The following ZC3H12D variants were observed in gnomAD, a reference collection of about 807,000 sequenced individuals.
ZC3H12D encodes probable ribonuclease ZC3H12D.
In ZC3H12D, 11 loss-of-function variants were observed where a neutral mutation model predicts 24.2. That is an observed-to-expected ratio of 0.46 (90% CI 0.29 to 0.75). ZC3H12D has a LOEUF of 0.75. ZC3H12D is among the 30% of genes least tolerant of loss of function. ZC3H12D has a pLI of 0.11. For missense variants in ZC3H12D, 740 were observed against 767.7 expected (o/e 0.96, Z 0.43); for synonymous variants, 333 against 341.8 (o/e 0.97, Z 0.28).
chr6:149,483,462 A>G (rs1365926682), intron 1 of ZC3H12D, among the ~76,000 whole-genome samples: 1 of 152,172 alleles, frequency 6.6e-6, no homozygotes, highest in East Asian at 1.9e-4. Context: ...TGCAAAACTG[A>G]AACTCTCAGC....
Position 149,447,756 on chromosome 6 carries a change from G to T in ZC3H12D, c.*2927C>A, listed in dbSNP as rs1485410280. On this transcript the variant is annotated 3_prime_UTR_variant, in exon 6 of 6. Transcript: ENST00000409806. ...ACTAAGACTTTGGAAAAATTCCAAA[G>T]GGGATTACACTTGAAATGTGCTGTG... 1.3e-5 allele frequency: 2 copies of T among 152,054 alleles called. No individual in the cohort carries two copies. The highest frequency in any genetic ancestry group is 4.1e-4 in the South Asian group (2 of 4,830). The allele number at this position is 152,054 out of a possible 1,614,324, so 9.4% of individuals were successfully genotyped here.
Position 149,450,869 on chromosome 6 carries a change from T to C in ZC3H12D, c.1398A>G (p.Ser466=), listed in dbSNP as rs778052620. Residue 466 remains serine (S), a synonymous_variant, in exon 6 of 6, where the codon TCA becomes TCG. Coordinates refer to ENST00000409806, the MANE Select transcript of ZC3H12D (RefSeq NM_207360.3). Reference sequence around the variant, plus strand: ...CCTCGTCGTCCTCGGTCGCGTACACTGAAAGTCCCCCAGTGGCGCCGTCGC... The same window carrying C: ...CCTCGTCGTCCTCGGTCGCGTACACCGAAAGTCCCCCAGTGGCGCCGTCGC... The part of the protein sequence containing the change: ...AWGDGATGGL[S]VYATEDDEGD... 2.0e-4 allele frequency: 310 copies of C among 1,542,646 alleles called. No homozygotes were observed. The African/African-American group carries it at 3.9e-3, about 19-fold the overall frequency.
chr6:149,469,636 C>G (rs574330343), intron 2 of ZC3H12D, among the ~76,000 whole-genome samples: 24 of 152,282 alleles, frequency 1.6e-4, no homozygotes, highest in African/African-American at 4.8e-4. Flanking sequence ...ATGACCCGAG[C>G]TGATGTCCCT....
chr6:149,476,811 A>AAATAGAACAG (rs113205041), intron 1 of ZC3H12D, among the ~76,000 whole-genome samples: 2,230 of 151,010 alleles, frequency 0.015, 54 homozygotes, highest in African/African-American at 0.052. Flanking sequence ...CTGTCTAAAA[A>AAATAGAACAG]AATAGAATAG....
intron 4 of ZC3H12D, among the ~76,000 whole-genome samples, chr6:149,453,128 CAAAAAAAAA>C (rs59814309): frequency 9.4e-6 from 1 of 106,108 alleles, no homozygotes; most frequent in South Asian, 3.0e-4. Flanking sequence ...CTACAGAAAG[CAAAAAAAAA>C]AAAAAAAAAG....
chr6:149,458,128 C>CTTTT (rs1189920889), intron 3 of ZC3H12D, among the ~76,000 whole-genome samples: 630 of 39,804 alleles, frequency 0.016, 68 homozygotes, highest in Middle Eastern at 0.065. Context: ...TTTTTCGTTT[C>CTTTT]TTTTTTTTTT....
intron 1 of ZC3H12D, among the ~76,000 whole-genome samples, chr6:149,480,652 C>T (rs562694433): frequency 6.6e-6 from 1 of 152,284 alleles, no homozygotes; most frequent in East Asian, 1.9e-4. Context: ...AGGAGAATCA[C>T]TTGAAACCAG....
Position 149,456,616 on chromosome 6 carries a change from G to GCCCCCCCCCC in ZC3H12D, c.680+49_680+50insGGGGGGGGGG. The GCCCCCCCCCC allele has an allele frequency of 1.8e-5, 20 of 1,130,394 alleles. No individual in the cohort carries two copies. The highest frequency in any genetic ancestry group is 2.5e-5 in the East Asian group (1 of 39,792). 70.0% of individuals were successfully genotyped at this position (1,130,394 alleles called of 1,614,324 possible). A position where few individuals can be genotyped will look rare whatever the true frequency, so the allele number is the denominator to read the frequency against. On this transcript the variant is annotated intron_variant, in intron 4 of 5. Coordinates refer to ENST00000409806, the MANE Select transcript of ZC3H12D (RefSeq NM_207360.3). This position sits in a 1 kb window ranked among gnomAD's most constrained non-coding sequence, Gnocchi z 4.3. ...AGGCGTGGCCACTGCCTCGACCCCG[G>GCCCCCCCCCC]CCCCCCGCCCCGCCGCCCCCCAGGG...
intron 2 of ZC3H12D, among the ~76,000 whole-genome samples, chr6:149,465,668 T>G (rs1320202582): frequency 6.7e-6 from 1 of 150,112 alleles, no homozygotes; most frequent in Non-Finnish European, 1.5e-5. Context: ...GGCAGGAGAA[T>G]CACTTGAACC....
Position 149,461,982 on chromosome 6 carries a change from A to G in ZC3H12D, c.306-12T>C. 1 of 1,607,010 alleles carries G rather than the reference A, an allele frequency of 6.2e-7. No individual in the cohort carries two copies. Among genetic ancestry groups the G allele is most frequent in the Non-Finnish European group, 8.5e-7 (1 of 1,176,776 alleles). ...CTTTATTTCCATGGCTACAATGGGA[A>G]AACAAAGAAATCATAGAGACACAGC... is the stretch of plus-strand genomic sequence containing the variant. On this transcript the variant is annotated splice_polypyrimidine_tract_variant and intron_variant, in intron 2 of 5. Coordinates refer to ENST00000409806, the MANE Select transcript of ZC3H12D (RefSeq NM_207360.3).
chr6:149,450,901 C>A lies in ZC3H12D; in HGVS notation c.1366G>T (p.Ala456Ser). The change falls in exon 6 of 6, where the codon GCC becomes TCC. Residue 456 changes from alanine to serine, a missense_variant. Coordinates refer to ENST00000409806, the MANE Select transcript of ZC3H12D (RefSeq NM_207360.3). The part of the protein sequence containing the change: ...FPGRSVWAEP[A>S]WGDGATGGLS... ...CCCCCAGTGGCGCCGTCGCCCCAGG[C>A]CGGCTCCGCCCAGACGGAGCGCCCA... 1 of 1,540,382 alleles carries A rather than the reference C, an allele frequency of 6.5e-7. No individual in the cohort carries two copies. The highest frequency in any genetic ancestry group is 8.7e-7 in the Non-Finnish European group (1 of 1,146,242).
At chr6:149,461,682 A>G in intron 3 of ZC3H12D, 149 bp downstream of exon 3, 1 of 838,490 alleles carries the variant, frequency 1.2e-6, no homozygotes, top group Non-Finnish European at 1.8e-6. Context: ...TTGAACAGTC[A>G]TAATCAGTGC....
In ZC3H12D at chr6:149,456,238, C is replaced by A. The variant is rs1775977539; in HGVS notation, c.680+428G>T. 6.7e-6 allele frequency among the ~76,000 whole-genome samples: 1 copy of A among 148,410 alleles called. No individual in the cohort carries two copies. The highest frequency in any genetic ancestry group is 2.5e-5 in the African/African-American group (1 of 40,106). On this transcript the variant is annotated intron_variant, in intron 4 of 5. Transcript: ENST00000409806. The surrounding 1 kb of genome is among the most constrained non-coding windows in gnomAD (Gnocchi z 4.3). ...CTGCACTCCAGCCTGGGTGACAGAG[C>A]AAGACTCCATCTCAAAAAATAAAAT...
Position 149,451,098 on chromosome 6 carries a change from C to T in ZC3H12D, c.1169G>A (p.Ser390Asn). Residue 390 changes from serine (S) to asparagine (N), a missense_variant, in exon 6 of 6, where the codon AGC (serine) becomes AAC (asparagine). Coordinates refer to ENST00000409806, the MANE Select transcript of ZC3H12D (RefSeq NM_207360.3). ...SAGGRVPGPLSLPSPESQFSP... is the reference protein window; with the variant it reads ...SAGGRVPGPLNLPSPESQFSP... ...GAACTGGCTCTCCGGGCTAGGGAGG[C>T]TGAGCGGGCCTGGCACCCGGCCGCC... 1 of 1,370,244 alleles carries T rather than the reference C, an allele frequency of 7.3e-7. No homozygotes were observed. The highest frequency in any genetic ancestry group is 9.4e-7 in the Non-Finnish European group (1 of 1,067,672). The allele number at this position is 1,370,244 out of a possible 1,614,324, so 84.9% of individuals were successfully genotyped here. A position where few individuals can be genotyped will look rare whatever the true frequency, so the allele number is the denominator to read the frequency against.
chr6:149,475,786 G>GGGTT (rs1251330950), intron 1 of ZC3H12D, among the ~76,000 whole-genome samples: 15 of 151,948 alleles, frequency 9.9e-5, no homozygotes, highest in Admixed American at 9.8e-4. Flanking sequence ...CCTACACCGG[G>GGGTT]GGTTGGGGGG....
chr6:149,453,471 C>T (rs1275323063), intron 4 of ZC3H12D, among the ~76,000 whole-genome samples: 2 of 151,878 alleles, frequency 1.3e-5, no homozygotes, highest in African/African-American at 4.8e-5. Flanking sequence ...CTAAAAAATA[C>T]ACAAAAATTA....
At chr6:149,476,326 G>A (rs1040139379) in intron 1 of ZC3H12D, among the ~76,000 whole-genome samples, 11 of 152,174 alleles carry the variant, frequency 7.2e-5, no homozygotes, top group African/African-American at 1.7e-4. Context: ...CCAACATGGC[G>A]AAATCCTGTC....
At chr6:149,457,860 G>C (rs1197530834) in intron 3 of ZC3H12D, among the ~76,000 whole-genome samples, 1 of 152,076 alleles carries the variant, frequency 6.6e-6, no homozygotes, top group Admixed American at 6.5e-5. Context: ...ACTGTTGGCT[G>C]ATTTTTAAAA....
Position 149,451,409 on chromosome 6 carries a change from C to A in ZC3H12D, c.858G>T (p.Ala286=), listed in dbSNP as rs1422858127. 6.4e-7 allele frequency: 1 copy of A among 1,569,846 alleles called. No individual in the cohort carries two copies. The highest frequency in any genetic ancestry group is 1.7e-5 in the Admixed American group (1 of 58,020). ...HPERPHHAQL[A]VADELRAKTG... is the part of the protein sequence containing the mutation. ...TCTTGGCGCGGAGCTCGTCGGCCACCGCCAGTTGCGCGTGGTGCGGCCTCT... is the reference window on the plus strand; with the variant it reads ...TCTTGGCGCGGAGCTCGTCGGCCACAGCCAGTTGCGCGTGGTGCGGCCTCT... The change falls in exon 6 of 6, where the codon GCG becomes GCT. Residue 286 remains alanine (A), a synonymous_variant. Coordinates refer to ENST00000409806, the MANE Select transcript of ZC3H12D (RefSeq NM_207360.3).
Sources: gnomAD v4.1 joint callset for allele counts (sites outside exome capture counted in the v4.1 genomes callset) on GRCh38, gnomAD v4.1.1 for gene constraint, Gnocchi (gnomAD v3.1) non-coding constraint, MANE v1.5 for transcripts, NCBI Gene and HGNC (gene_info 2026-07-23, HGNC 2026-07-21) for gene names.